The following RPS6KC1 variants were observed in gnomAD, a reference collection of about 807,000 sequenced individuals.
RPS6KC1 encodes the protein ribosomal protein S6 kinase C1, also known as inactive ribosomal protein S6 kinase delta-1.
In RPS6KC1, 54 loss-of-function variants were observed where a neutral mutation model predicts 103.8. That is an observed-to-expected ratio of 0.52 (90% CI 0.42 to 0.65). The LOEUF (loss-of-function observed/expected upper bound fraction) is 0.65. RPS6KC1 is among the 30% of genes least tolerant of loss of function. The pLI is 0.00. For missense variants in RPS6KC1, 1,151 were observed against 1,253.8 expected, an observed-to-expected ratio of 0.92 and a Z score of 1.24; for synonymous variants, 439 against 438.7, an observed-to-expected ratio of 1.00 and a Z score of -0.01.
chr1:213,204,534 C>G (rs1194292289), intron 8 of RPS6KC1, among the ~76,000 whole-genome samples: 1 of 151,816 alleles, frequency 6.6e-6, no homozygotes, highest in African/African-American at 2.4e-5. Flanking sequence ...TCTAAACTCT[C>G]ACTTATAGCA....
chr1:213,073,273 G>A (rs1341681786), intron 2 of RPS6KC1, among the ~76,000 whole-genome samples: 4 of 152,188 alleles, frequency 2.6e-5, no homozygotes, highest in Admixed American at 1.3e-4. Context: ...GGGCTATTGA[G>A]GACTAGATGT....
At chr1:213,481,948 A>G in the RPS6KC1 span, among the ~76,000 whole-genome samples, 2 of 152,178 alleles carry the variant, frequency 1.3e-5, no homozygotes, top group African/African-American at 2.4e-5. Context: ...TGTGATGGCA[A>G]GTGAGTTATC....
the RPS6KC1 span, among the ~76,000 whole-genome samples, chr1:213,291,980 C>T: frequency 6.6e-6 from 1 of 152,020 alleles, no homozygotes; most frequent in Non-Finnish European, 1.5e-5. Flanking sequence ...GCCAGTTTTT[C>T]CAGCACCATT....
At chr1:213,709,779 C>T in the RPS6KC1 span, among the ~76,000 whole-genome samples, 1 of 152,148 alleles carries the variant, frequency 6.6e-6, no homozygotes, top group Non-Finnish European at 1.5e-5. Flanking sequence ...CTTATTTACC[C>T]AGTAGTCATT....
At chr1:213,491,199 G>GCC in the RPS6KC1 span, among the ~76,000 whole-genome samples, 1 of 152,108 alleles carries the variant, frequency 6.6e-6, no homozygotes, top group Non-Finnish European at 1.5e-5. Flanking sequence ...AGCCATCAGT[G>GCC]CCTCCCCATT....
At chr1:213,180,352 G>A (rs1181771241) in intron 8 of RPS6KC1, among the ~76,000 whole-genome samples, 3 of 152,186 alleles carry the variant, frequency 2.0e-5, no homozygotes, top group Non-Finnish European at 4.4e-5. Context: ...GAAGAGACTT[G>A]CATGCTAATA....
the RPS6KC1 span, among the ~76,000 whole-genome samples, chr1:213,340,722 C>A: frequency 6.6e-6 from 1 of 152,366 alleles, no homozygotes; most frequent in South Asian, 2.1e-4. Context: ...CTCAGATATT[C>A]TTGCAAATGG....
the RPS6KC1 span, among the ~76,000 whole-genome samples, chr1:213,801,907 G>A: frequency 6.6e-6 from 1 of 152,162 alleles, no homozygotes; most frequent in African/African-American, 2.4e-5. Context: ...AAGTCAAATG[G>A]CACTGTCTTA....
chr1:213,689,114 G>A, the RPS6KC1 span, among the ~76,000 whole-genome samples: 1 of 152,110 alleles, frequency 6.6e-6, no homozygotes, highest in African/African-American at 2.4e-5. Context: ...CTCTCTTCTG[G>A]GTTCCTGAAA....
chr1:213,594,481 T>C, the RPS6KC1 span, among the ~76,000 whole-genome samples: 1 of 152,166 alleles, frequency 6.6e-6, no homozygotes, highest in African/African-American at 2.4e-5. Context: ...TGTATGTGGC[T>C]CCCATTTTAT....
the RPS6KC1 span, among the ~76,000 whole-genome samples, chr1:213,415,028 G>A: frequency 1.3e-5 from 2 of 152,180 alleles, no homozygotes; most frequent in African/African-American, 4.8e-5. Context: ...GTGGAAAATT[G>A]GACCTATTCT....
the RPS6KC1 span, among the ~76,000 whole-genome samples, chr1:213,771,390 A>C: frequency 3.9e-5 from 6 of 152,202 alleles, no homozygotes; most frequent in African/African-American, 1.4e-4. Context: ...AGTAATTATG[A>C]GGGTGGGGTA....
the RPS6KC1 span, among the ~76,000 whole-genome samples, chr1:213,283,535 G>T: frequency 6.6e-6 from 1 of 152,186 alleles, no homozygotes; most frequent in Non-Finnish European, 1.5e-5. Flanking sequence ...TAGCCAACTG[G>T]TGTTCACTGG....
At chr1:213,250,019 C>G (rs1456535018) in intron 12 of RPS6KC1, among the ~76,000 whole-genome samples, 1 of 152,138 alleles carries the variant, frequency 6.6e-6, no homozygotes, top group East Asian at 1.9e-4. Flanking sequence ...AGACATGTAG[C>G]CAAGCCTAGC....
intron 5 of RPS6KC1, among the ~76,000 whole-genome samples, chr1:213,119,950 C>T (rs575802146): frequency 9.9e-5 from 15 of 152,228 alleles, no homozygotes; most frequent in Non-Finnish European, 1.6e-4. Context: ...TATACCAAGA[C>T]CACAAACATG....
chr1:213,531,888 T>C, the RPS6KC1 span, among the ~76,000 whole-genome samples: 57 of 152,176 alleles, frequency 3.7e-4, no homozygotes, highest in South Asian at 0.012. Context: ...TGGACCCAGG[T>C]ATGGGTCTGA....
the RPS6KC1 span, among the ~76,000 whole-genome samples, chr1:213,422,914 G>C: frequency 1.3e-5 from 2 of 152,202 alleles, no homozygotes; most frequent in African/African-American, 4.8e-5. Flanking sequence ...TTACTACGGT[G>C]ACCCAGGACA....
the RPS6KC1 span, among the ~76,000 whole-genome samples, chr1:213,595,534 C>A: frequency 6.6e-6 from 1 of 152,204 alleles, no homozygotes; most frequent in Non-Finnish European, 1.5e-5. Context: ...CAGACAGGCA[C>A]ACAGGTGTCC....
At chr1:213,110,839 T>TG (rs1384435821) in intron 4 of RPS6KC1, among the ~76,000 whole-genome samples, 2 of 152,202 alleles carry the variant, frequency 1.3e-5, no homozygotes, top group Non-Finnish European at 2.9e-5. Context: ...ATCTCCCTGC[T>TG]GTCTGGTCTT....
Sources: gnomAD v4.1 joint callset for allele counts (sites outside exome capture counted in the v4.1 genomes callset) on GRCh38, gnomAD v4.1.1 for gene constraint, MANE v1.5 for transcripts, NCBI Gene and HGNC (gene_info 2026-07-23, HGNC 2026-07-21) for gene names.